The following PPARG variants were observed in gnomAD, a reference collection of about 807,000 sequenced individuals.
The protein encoded by PPARG is peroxisome proliferator-activated receptor gamma.
A neutral mutation model predicts 39.2 loss-of-function variants in PPARG; 17 were observed. The ratio of observed to expected loss-of-function variants is 0.43; its 90% CI spans 0.30 to 0.65. The LOEUF is 0.65. Among genes scored for constraint, PPARG ranks in the 30% least tolerant of loss-of-function variants. The pLI, the probability that PPARG is intolerant of heterozygous loss-of-function variation, is 0.13. For synonymous variants in PPARG, 223 were observed against 215.7 expected, an observed-to-expected ratio of 1.03 and a Z score of -0.30; for missense variants, 406 against 585.9, an observed-to-expected ratio of 0.69 and a Z score of 3.17.
chr3:12,325,536 G>A (rs1162800908), intron 2 of PPARG, among the ~76,000 whole-genome samples: 2 of 152,176 alleles, frequency 1.3e-5, no homozygotes, highest in Non-Finnish European at 2.9e-5. Flanking sequence ...AGGAGGTGGA[G>A]GTTGCAGTGA....
chr3:12,322,656 A>G (rs564952268), intron 2 of PPARG, among the ~76,000 whole-genome samples: 4 of 152,230 alleles, frequency 2.6e-5, no homozygotes, highest in Non-Finnish European at 4.4e-5. Flanking sequence ...AAGAATTTCA[A>G]GCTATCAAAA....
intron 2 of PPARG, among the ~76,000 whole-genome samples, chr3:12,331,235 T>A (rs936350702): frequency 2.6e-5 from 4 of 152,160 alleles, no homozygotes; most frequent in African/African-American, 9.7e-5. Flanking sequence ...AATGGCAGTA[T>A]GAGTTGTGTA....
At chr3:12,343,304 CTCTG>C (rs1450700070) in intron 2 of PPARG, among the ~76,000 whole-genome samples, 3 of 152,190 alleles carry the variant, frequency 2.0e-5, no homozygotes, top group Non-Finnish European at 2.9e-5. Context: ...TCCAAAGCTT[CTCTG>C]TCTTTCAGGC....
At chr3:12,292,457 G>C (rs1184045915) in intron 1 of PPARG, among the ~76,000 whole-genome samples, 1 of 152,168 alleles carries the variant, frequency 6.6e-6, no homozygotes, top group East Asian at 1.9e-4. Context: ...CAACTTAAAA[G>C]ACTAAATAGT....
intron 4 of PPARG, among the ~76,000 whole-genome samples, chr3:12,389,645 C>T (rs1011906223): frequency 5.3e-5 from 8 of 152,052 alleles, no homozygotes; most frequent in Non-Finnish European, 1.0e-4. Flanking sequence ...AATCTCAGGC[C>T]TTTGGGAGGC....
intron 2 of PPARG, among the ~76,000 whole-genome samples, chr3:12,377,890 A>G (rs1363929796): frequency 4.6e-5 from 7 of 152,224 alleles, no homozygotes; most frequent in African/African-American, 1.2e-4. Context: ...TGGAATTAAT[A>G]TTCCAAAATA....
chr3:12,368,824 A>G (rs957566379), intron 2 of PPARG, among the ~76,000 whole-genome samples: 22 of 152,308 alleles, frequency 1.4e-4, no homozygotes, highest in African/African-American at 5.3e-4. Context: ...TGCTTGAGTC[A>G]AAAGGAGAGC....
At chr3:12,332,707 A>G (rs2047895996) in intron 2 of PPARG, among the ~76,000 whole-genome samples, 1 of 152,148 alleles carries the variant, frequency 6.6e-6, no homozygotes, top group South Asian at 2.1e-4. Context: ...TTATTCTACT[A>G]CCATTGCAAG....
At chr3:12,344,628 A>G (rs954474675) in intron 2 of PPARG, among the ~76,000 whole-genome samples, 2 of 152,180 alleles carry the variant, frequency 1.3e-5, no homozygotes, top group Non-Finnish European at 2.9e-5. Flanking sequence ...GCTTTTGAAG[A>G]TTCCATACTC....
chr3:12,365,235 C>T (rs2048976339), intron 2 of PPARG, among the ~76,000 whole-genome samples: 1 of 152,232 alleles, frequency 6.6e-6, no homozygotes, highest in African/African-American at 2.4e-5. Context: ...TGATTCCTCC[C>T]AGGCCATGGA....
At chr3:12,305,457 G>A (rs1188276487) in intron 1 of PPARG, among the ~76,000 whole-genome samples, 1 of 152,126 alleles carries the variant, frequency 6.6e-6, no homozygotes, top group Non-Finnish European at 1.5e-5. Flanking sequence ...ATAAATTTTT[G>A]TAAGCGTAAT....
At chr3:12,336,431 T>A (rs1040518632) in intron 2 of PPARG, among the ~76,000 whole-genome samples, 2 of 152,090 alleles carry the variant, frequency 1.3e-5, no homozygotes, top group Admixed American at 1.3e-4. Flanking sequence ...TGACATCTAC[T>A]AGAAACACTT....
chr3:12,392,541 A>T (rs933925078), intron 4 of PPARG, 73 bp from the exon 5 acceptor site: 10 of 1,551,858 alleles, frequency 6.4e-6, no homozygotes, highest in Non-Finnish European at 8.0e-6. Flanking sequence ...AGGCCAGTAT[A>T]CCTTTCGCTG....
intron 6 of PPARG, among the ~76,000 whole-genome samples, chr3:12,409,887 C>T (rs138577442): frequency 4.8e-4 from 73 of 152,320 alleles, no homozygotes; most frequent in African/African-American, 1.8e-3. Context: ...CCTTCCCCTC[C>T]CCAACTAATC....
chr3:12,288,084 G>C (rs893856772), upstream of PPARG: 2 of 153,244 alleles, frequency 1.3e-5, no homozygotes, highest in Non-Finnish European at 2.9e-5. Context: ...AGTGCTCAGG[G>C]AGGGGGCGCG....
chr3:12,419,629 C>T (rs1004760274), intron 7 of PPARG, among the ~76,000 whole-genome samples: 2 of 151,872 alleles, frequency 1.3e-5, no homozygotes, highest in Non-Finnish European at 2.9e-5. Context: ...CCACTACACC[C>T]AGCTAATTTT....
At chr3:12,397,418 T>TTATTAG in intron 5 of PPARG, among the ~76,000 whole-genome samples, 1 of 142,912 alleles carries the variant, frequency 7.0e-6, no homozygotes, top group East Asian at 2.0e-4. Flanking sequence ...ATTATTATTA[T>TTATTAG]TATTATTATT....
intron 2 of PPARG, among the ~76,000 whole-genome samples, chr3:12,348,641 G>A (rs545021639): frequency 1.3e-5 from 2 of 152,222 alleles, no homozygotes; most frequent in South Asian, 4.1e-4. Context: ...CCTCTACATT[G>A]CACAGAACCT....
chr3:12,400,243 A>T (rs1400280353), intron 5 of PPARG, among the ~76,000 whole-genome samples: 1 of 152,236 alleles, frequency 6.6e-6, no homozygotes, highest in African/African-American at 2.4e-5. Flanking sequence ...TAACCTTAGT[A>T]ATTAAGTAGC....
Sources: allele counts gnomAD v4.1 joint callset (sites outside exome capture counted in the v4.1 genomes callset), GRCh38; gene constraint gnomAD v4.1.1; transcripts MANE v1.5; gene names NCBI Gene and HGNC (gene_info 2026-07-23, HGNC 2026-07-21).